LRP1B: variants seen among roughly 807,000 people sequenced by gnomAD.
LRP1B encodes the protein LDL receptor related protein 1B, also known as low-density lipoprotein receptor-related protein 1B.
A neutral mutation model predicts 556.6 loss-of-function variants in LRP1B; 217 were observed. The observed-to-expected ratio is 0.39, with a 90% CI of 0.35 to 0.44. The LOEUF is 0.44. LRP1B is among the 20% of genes least tolerant of loss of function. The pLI is 1.00. For missense variants in LRP1B, 5,053 were observed against 5,620.8 expected (o/e 0.90, Z 3.23); for synonymous variants, 2,047 against 1,865.8 (o/e 1.10, Z -2.50).
intron 3 of LRP1B, among the ~76,000 whole-genome samples, chr2:141,362,203 A>T (rs1466823889): frequency 6.6e-6 from 1 of 152,240 alleles, no homozygotes; most frequent in Non-Finnish European, 1.5e-5. Flanking sequence ...TCTCTAAGAA[A>T]ATGGTTTATA....
intron 1 of LRP1B, among the ~76,000 whole-genome samples, chr2:141,822,470 G>C (rs938436219): frequency 6.6e-6 from 1 of 151,992 alleles, no homozygotes; most frequent in Non-Finnish European, 1.5e-5. Flanking sequence ...TTCCTTGCAG[G>C]CTCTATTTTC....
At chr2:140,970,209 G>A (rs545615984) in intron 18 of LRP1B, among the ~76,000 whole-genome samples, 20 of 152,248 alleles carry the variant, frequency 1.3e-4, no homozygotes, top group African/African-American at 4.8e-4. Flanking sequence ...TTTCTTGGAA[G>A]CTTTGTTCAT....
chr2:141,548,858 G>A (rs992803039), intron 2 of LRP1B, among the ~76,000 whole-genome samples: 3 of 152,026 alleles, frequency 2.0e-5, no homozygotes, highest in Admixed American at 2.0e-4. Flanking sequence ...CATGTCCTAA[G>A]ATCTTAGAAT....
intron 35 of LRP1B, among the ~76,000 whole-genome samples, chr2:140,740,305 T>C (rs964972359): frequency 6.6e-6 from 1 of 152,168 alleles, no homozygotes; most frequent in East Asian, 1.9e-4. Context: ...AACTGTGGTA[T>C]ATGTGTATGA....
intron 14 of LRP1B, among the ~76,000 whole-genome samples, chr2:141,006,511 T>C (rs1278450938): frequency 6.6e-6 from 1 of 152,042 alleles, no homozygotes; most frequent in Admixed American, 6.6e-5. Context: ...CACTTGCGCA[T>C]CACTTAATGA....
chr2:140,923,136 G>A lies in LRP1B; in HGVS notation c.3148C>T (p.Pro1050Ser), dbSNP rs1312465955. 1 of 1,611,640 alleles carries A rather than the reference G, an allele frequency of 6.2e-7. No homozygotes were observed. The highest frequency in any genetic ancestry group is 1.3e-5 in the African/African-American group (1 of 74,804). Residue 1050 changes from proline (P) to serine (S), a missense_variant, in exon 21 of 91, where the codon CCT becomes TCT. By Grantham distance (74) the Pro-to-Ser change is moderately conservative. Coordinates refer to ENST00000389484, the MANE Select transcript of LRP1B (RefSeq NM_018557.3). ...AATTCATTTCCGTTACAACCAGCAG[G>A]AGAATGAATCTCTTAATTTGAAATG... ...INCTKEEIHSPAGCNGNEFQC... is the reference protein window; with the variant it reads ...INCTKEEIHSSAGCNGNEFQC...
chr2:142,020,982 G>A (rs1703309549), intron 1 of LRP1B, among the ~76,000 whole-genome samples: 2 of 152,172 alleles, frequency 1.3e-5, no homozygotes, highest in Non-Finnish European at 2.9e-5. Context: ...ATGACAGTAA[G>A]TACATCTGGC....
At chr2:141,012,682 A>C (rs1236712866) in intron 14 of LRP1B, among the ~76,000 whole-genome samples, 1 of 151,982 alleles carries the variant, frequency 6.6e-6, no homozygotes, top group African/African-American at 2.4e-5. Flanking sequence ...AGTGGGAAAA[A>C]ACTGAAGCTT....
intron 51 of LRP1B, among the ~76,000 whole-genome samples, chr2:140,511,758 T>G (rs1355669707): frequency 6.6e-6 from 1 of 152,202 alleles, no homozygotes; most frequent in African/African-American, 2.4e-5. Context: ...TAACATTTTA[T>G]GTAGTACTGG....
chr2:141,003,153 A>G (rs947119458), intron 15 of LRP1B, among the ~76,000 whole-genome samples: 9 of 152,082 alleles, frequency 5.9e-5, no homozygotes, highest in African/African-American at 7.2e-5. Flanking sequence ...GAAACAGACA[A>G]TTACCTATAA....
chr2:141,254,077 T>C (rs419152), intron 4 of LRP1B, among the ~76,000 whole-genome samples: 32,810 of 151,990 alleles, frequency 0.22, 3,629 homozygotes, highest in South Asian at 0.26. Flanking sequence ...TCAATATTTA[T>C]GTTCATTATT....
At chr2:140,537,601 G>C (rs566229037) in intron 45 of LRP1B, among the ~76,000 whole-genome samples, 2 of 152,032 alleles carry the variant, frequency 1.3e-5, no homozygotes, top group Admixed American at 1.3e-4. Flanking sequence ...AAATGTACAG[G>C]AATCAGTGGG....
At chr2:141,403,336 T>C (rs1443701661) in intron 3 of LRP1B, among the ~76,000 whole-genome samples, 1 of 151,238 alleles carries the variant, frequency 6.6e-6, no homozygotes, top group Non-Finnish European at 1.5e-5. Flanking sequence ...ATTTCAAAAC[T>C]ATTAAAAAAA....
intron 3 of LRP1B, among the ~76,000 whole-genome samples, chr2:141,425,627 T>A (rs1373087495): frequency 6.7e-6 from 1 of 149,638 alleles, no homozygotes; most frequent in Non-Finnish European, 1.5e-5. Context: ...TGGTGTGAGA[T>A]GGTATCTCAC....
chr2:141,306,721 A>T (rs1055068655), intron 3 of LRP1B, among the ~76,000 whole-genome samples: 1 of 151,812 alleles, frequency 6.6e-6, no homozygotes, highest in African/African-American at 2.4e-5. Context: ...ATTTATTTGA[A>T]ATCTTTCTTT....
intron 25 of LRP1B, among the ~76,000 whole-genome samples, chr2:140,878,020 T>C (rs761499571): frequency 6.6e-6 from 1 of 152,168 alleles, no homozygotes; most frequent in Non-Finnish European, 1.5e-5. Context: ...TGTGGAAGCA[T>C]ATTCAGAAAA....
rs769015393 is a variant in LRP1B at position 140,335,640 on chromosome 2, C to G, written c.12091G>C (p.Ala4031Pro). 6.2e-7 allele frequency: 1 copy of G among 1,610,316 alleles called. No homozygotes were observed. ...LLTNMAGEPY[A>P]IAVNPKRGMM... ...CCTCTTTTAGGATTTACTGCAATAG[C>G]ATAGGGTTCTCCAGCCATATTTGTT... The change falls in exon 78 of 91, where the codon GCT becomes CCT. Residue 4031 changes from alanine (A) to proline (P), a missense_variant. Coordinates refer to ENST00000389484, the MANE Select transcript of LRP1B (RefSeq NM_018557.3).
At chr2:141,992,279 A>T (rs1255307391) in intron 1 of LRP1B, among the ~76,000 whole-genome samples, 1 of 152,074 alleles carries the variant, frequency 6.6e-6, no homozygotes, top group East Asian at 1.9e-4. Flanking sequence ...CTCATAATGG[A>T]TGATTTTAAG....
intron 32 of LRP1B, among the ~76,000 whole-genome samples, chr2:140,810,495 A>T (rs1690880139): frequency 6.6e-6 from 1 of 151,860 alleles, no homozygotes; most frequent in African/African-American, 2.4e-5. Flanking sequence ...TGACTATAGT[A>T]TTCAGCCTCA....
Sources: allele counts gnomAD v4.1 joint callset (sites outside exome capture counted in the v4.1 genomes callset), GRCh38; gene constraint gnomAD v4.1.1; transcripts MANE v1.5; gene names NCBI Gene and HGNC (gene_info 2026-07-23, HGNC 2026-07-21).